Variants in ACTN4 observed in about 807,000 individuals in gnomAD.
ACTN4 encodes the protein alpha-actinin-4.
ACTN4 carries 18 observed loss-of-function variants against 114.2 expected under a neutral mutation model. The ratio of observed to expected loss-of-function variants is 0.16; its 90% CI spans 0.11 to 0.23. The LOEUF is 0.23. Among genes scored for constraint, ACTN4 ranks in the 10% least tolerant of loss-of-function variants. The pLI is 1.00. For missense variants in ACTN4, 722 were observed against 1,262.9 expected, an observed-to-expected ratio of 0.57 and a Z score of 6.49; for synonymous variants, 515 against 506.3, an observed-to-expected ratio of 1.02 and a Z score of -0.23.
rs183086073 is a variant in ACTN4 at position 38,730,344 on chromosome 19, C to T, written c.*912C>T. 2.3e-3 allele frequency: 395 copies of T among 171,012 alleles called. 2 individuals carry two copies. The highest frequency in any genetic ancestry group is 8.4e-3 in the African/African-American group (352 of 41,662). 10.6% of individuals were successfully genotyped at this position (171,012 alleles called of 1,614,324 possible). On this transcript the variant is annotated 3_prime_UTR_variant, in exon 21 of 21. Coordinates refer to ENST00000252699, the MANE Select transcript of ACTN4 (RefSeq NM_004924.6). ...TGCTGATGCTCCTCCGGGTCTGCGT[C>T]GGGCGTGGGTCTCTGGGGACCCTCC...
At chr19:38,679,683 C>T (rs930955095) in intron 1 of ACTN4, among the ~76,000 whole-genome samples, 7 of 151,832 alleles carry the variant, frequency 4.6e-5, no homozygotes, top group African/African-American at 1.7e-4. Flanking sequence ...CCTCTGAACT[C>T]CTGGGCTTGC....
intron 1 of ACTN4, among the ~76,000 whole-genome samples, chr19:38,698,875 G>T (rs929461116): frequency 6.6e-6 from 1 of 152,176 alleles, no homozygotes; most frequent in Non-Finnish European, 1.5e-5. Flanking sequence ...GCTTTGTGTC[G>T]AGTCTCCCTG....
intron 19 of ACTN4, 91 bp from the exon 20 acceptor site, chr19:38,728,905 G>T: frequency 1.3e-6 from 2 of 1,542,606 alleles, no homozygotes; most frequent in South Asian, 1.1e-5. Context: ...CTACTCTCTC[G>T]GCTGTTTCCC....
Position 38,729,847 on chromosome 19 carries a change from C to T in ACTN4, c.*415C>T. The T allele has an allele frequency of 5.4e-6, 2 of 373,312 alleles. No individual in the cohort carries two copies. The highest frequency in any genetic ancestry group is 7.2e-5 in the East Asian group (1 of 13,944). The allele number at this position is 373,312 out of a possible 1,614,324, so 23.1% of individuals were successfully genotyped here. On this transcript the variant is annotated 3_prime_UTR_variant, in exon 21 of 21. Coordinates refer to ENST00000252699, the MANE Select transcript of ACTN4 (RefSeq NM_004924.6). ...CCCCATGTGCCTTGTCCAGGAACTG[C>T]CTGGGCCATGCGAGGGGCCAGCAGA...
At chr19:38,660,111 A>G (rs956565435) in intron 1 of ACTN4, among the ~76,000 whole-genome samples, 1 of 152,000 alleles carries the variant, frequency 6.6e-6, no homozygotes. Context: ...TAGTAGAGAC[A>G]GGGTTTTGCC....
At chr19:38,654,919 C>T (rs1386967012) in intron 1 of ACTN4, among the ~76,000 whole-genome samples, 3 of 152,032 alleles carry the variant, frequency 2.0e-5, no homozygotes, top group South Asian at 2.1e-4. Context: ...TATCTGAAGG[C>T]GAGTGGAGTG....
Position 38,731,310 on chromosome 19 carries a change from T to TA in ACTN4, c.*1878_*1879insA. On this transcript the variant is annotated 3_prime_UTR_variant, in exon 21 of 21. Transcript: ENST00000252699. ...CCACCCCACCTCCTCAGGGAGGACA[T>TA]GAATGCCACAGGGTGTCACACCCCA... The TA allele has an allele frequency of 1.0e-6, 1 of 995,426 alleles. No individual in the cohort carries two copies. The highest frequency in any genetic ancestry group is 1.6e-6 in the Non-Finnish European group (1 of 632,218). The allele number at this position is 995,426 out of a possible 1,614,324, so 61.7% of individuals were successfully genotyped here. A position where few individuals can be genotyped will look rare whatever the true frequency, so the allele number is the denominator to read the frequency against.
intron 1 of ACTN4, among the ~76,000 whole-genome samples, chr19:38,649,930 A>G (rs1976510912): frequency 6.6e-6 from 1 of 152,142 alleles, no homozygotes; most frequent in South Asian, 2.1e-4. Context: ...GGGTGTCCTT[A>G]TCCGTGGCCC....
chr19:38,708,049 A>T (rs910753262), intron 5 of ACTN4, 68 bp from the exon 6 acceptor site: 1 of 1,494,832 alleles, frequency 6.7e-7, no homozygotes, highest in African/African-American at 1.4e-5. Context: ...CTGTGGGTGC[A>T]CAGGGCCATA....
rs762981054 is a variant in ACTN4, at chr19:38,729,514, T to A, written c.*82T>A. ...CCCACAGTCCCATTCCTCCACTCTG[T>A]ATCTATGCAAAGCACTCTCTGCAGT... On this transcript the variant is annotated 3_prime_UTR_variant, in exon 21 of 21. Transcript: ENST00000252699. 1.2e-5 allele frequency: 13 copies of A among 1,070,278 alleles called. No individual in the cohort carries two copies. The African/African-American group carries it at 1.9e-4, about 16-fold the overall frequency. The allele number at this position is 1,070,278 out of a possible 1,614,324, so 66.3% of individuals were successfully genotyped here.
chr19:38,677,255 C>T (rs911158386), intron 1 of ACTN4, among the ~76,000 whole-genome samples: 3 of 152,170 alleles, frequency 2.0e-5, no homozygotes, highest in Non-Finnish European at 2.9e-5. Context: ...TCGAGGGTCA[C>T]GAGAGCAGAG....
chr19:38,728,257 G>T, intron 19 of ACTN4: 5 of 1,514,530 alleles, frequency 3.3e-6, no homozygotes, highest in Non-Finnish European at 4.5e-6. Flanking sequence ...CACATGGGGC[G>T]GCCCCTCTTG....
At chr19:38,692,889 C>G (rs1475908045) in intron 1 of ACTN4, among the ~76,000 whole-genome samples, 1 of 152,164 alleles carries the variant, frequency 6.6e-6, no homozygotes, top group African/African-American at 2.4e-5. Context: ...CCCTCCCCCT[C>G]AAAGCAACTG....
At chr19:38,723,433 C>T (rs998372664) in intron 12 of ACTN4, among the ~76,000 whole-genome samples, 181 bp from the exon 13 acceptor site, 4 of 152,198 alleles carry the variant, frequency 2.6e-5, no homozygotes, top group African/African-American at 4.8e-5. Flanking sequence ...CCCTTCTACC[C>T]TGGGGGTCCC....
intron 1 of ACTN4, among the ~76,000 whole-genome samples, chr19:38,671,208 T>C (rs913109221): frequency 1.3e-5 from 2 of 152,214 alleles, no homozygotes; most frequent in Non-Finnish European, 2.9e-5. Flanking sequence ...TCCTCCCCCT[T>C]TCCCATCACC....
chr19:38,685,871 CA>C (rs1353069387), intron 1 of ACTN4, among the ~76,000 whole-genome samples: 1 of 152,182 alleles, frequency 6.6e-6, no homozygotes, highest in Non-Finnish European at 1.5e-5. Flanking sequence ...GCAGGAGTTT[CA>C]GTTGTCAAAG....
At chr19:38,704,692 C>A (rs1160819582) in intron 3 of ACTN4, among the ~76,000 whole-genome samples, 2 of 152,204 alleles carry the variant, frequency 1.3e-5, no homozygotes, top group African/African-American at 4.8e-5. Context: ...GGGCCAGGGA[C>A]CCTTGTGGCC....
chr19:38,663,207 G>A (rs915267845), intron 1 of ACTN4, among the ~76,000 whole-genome samples: 9 of 152,118 alleles, frequency 5.9e-5, no homozygotes, highest in East Asian at 1.9e-4. Flanking sequence ...CACTGCGCCC[G>A]GCCACATTTT....
At chr19:38,709,917 CAGCCATGCACTGCCCCATTTCCT>C (rs1468823883) in intron 7 of ACTN4, among the ~76,000 whole-genome samples, 6 of 152,328 alleles carry the variant, frequency 3.9e-5, no homozygotes, top group South Asian at 2.1e-4. Flanking sequence ...CTCCATTTCC[CAGCCATGCACTGCCCCATTTCCT>C]AGCCATGCAC....
Sources: gnomAD v4.1 joint callset for allele counts (sites outside exome capture counted in the v4.1 genomes callset) on GRCh38, gnomAD v4.1.1 for gene constraint, MANE v1.5 for transcripts, NCBI Gene and HGNC (gene_info 2026-07-23, HGNC 2026-07-21) for gene names.